DLGAP2: variants seen among roughly 807,000 people sequenced by gnomAD.
DLGAP2 encodes the protein DLG associated protein 2.
DLGAP2 carries 26 observed loss-of-function variants against 100.3 expected under a neutral mutation model. The observed-to-expected ratio is 0.26, with a 90% CI of 0.19 to 0.36. The LOEUF is 0.36. DLGAP2 is among the 10% of genes least tolerant of loss of function. The probability of loss-of-function intolerance (pLI) is 1.00; values close to 1 mark genes in which losing one functional copy is unlikely to be tolerated. For missense variants in DLGAP2, 1,858 were observed against 1,453.2 expected, an observed-to-expected ratio of 1.28 and a Z score of -4.53; for synonymous variants, 886 against 630.1, an observed-to-expected ratio of 1.41 and a Z score of -6.08.
intron 8 of DLGAP2, among the ~76,000 whole-genome samples, chr8:1,638,833 G>A (rs889644736): frequency 2.0e-5 from 3 of 152,238 alleles, no homozygotes; most frequent in African/African-American, 7.2e-5. Flanking sequence ...TTTAGGGACA[G>A]ACGCAGAGAA....
chr8:1,588,530 A>G (rs889835815), intron 6 of DLGAP2, among the ~76,000 whole-genome samples: 16 of 152,162 alleles, frequency 1.1e-4, no homozygotes, highest in African/African-American at 3.6e-4. Context: ...TCATTCGGTA[A>G]GTAAATATGT....
intron 2 of DLGAP2, among the ~76,000 whole-genome samples, chr8:1,021,785 T>C (rs1252017498): frequency 6.6e-6 from 1 of 152,162 alleles, no homozygotes; most frequent in East Asian, 1.9e-4. Context: ...ACCCAGATGC[T>C]GTGGGGTTGG....
chr8:841,517 C>T (rs1024109123), intron 1 of DLGAP2, among the ~76,000 whole-genome samples: 5 of 152,106 alleles, frequency 3.3e-5, no homozygotes, highest in African/African-American at 9.7e-5. Context: ...TAGGGGTGTA[C>T]GTTGCTACAT....
intron 2 of DLGAP2, among the ~76,000 whole-genome samples, chr8:1,041,269 G>C (rs1347347913): frequency 1.3e-5 from 2 of 152,158 alleles, no homozygotes; most frequent in African/African-American, 4.8e-5. Context: ...AGTCATAAAT[G>C]GTAACCAGCG....
chr8:849,589 G>C (rs7825015), intron 1 of DLGAP2, among the ~76,000 whole-genome samples: 10,799 of 152,174 alleles, frequency 0.071, 739 homozygotes, highest in African/African-American at 0.18. Flanking sequence ...AGGTTCCAGC[G>C]GTGCAACATC....
chr8:832,173 C>G (rs1014972046), intron 1 of DLGAP2, among the ~76,000 whole-genome samples: 2 of 152,160 alleles, frequency 1.3e-5, no homozygotes, highest in African/African-American at 4.8e-5. Flanking sequence ...TGCCTTTTCA[C>G]TCTGTTGGTA....
chr8:1,027,861 T>C (rs796712964), intron 2 of DLGAP2, among the ~76,000 whole-genome samples: 59 of 60,196 alleles, frequency 9.8e-4, no homozygotes, highest in Admixed American at 1.0e-3. Context: ...AGGTGGGGTG[T>C]CAGGCGCCCG....
chr8:898,294 C>T (rs1446422301), intron 1 of DLGAP2, among the ~76,000 whole-genome samples: 1 of 152,066 alleles, frequency 6.6e-6, no homozygotes, highest in Non-Finnish European at 1.5e-5. Flanking sequence ...TGAGGTCTGG[C>T]GACTTCACCC....
intron 8 of DLGAP2, among the ~76,000 whole-genome samples, chr8:1,636,672 G>A (rs755197870): frequency 5.9e-5 from 9 of 152,288 alleles, no homozygotes; most frequent in East Asian, 1.9e-4. Context: ...ATTTTCAGGC[G>A]TGTGAGCCTG....
Position 1,683,598 on chromosome 8 carries a change from G to A in DLGAP2, c.2704+4969G>A, listed in dbSNP as rs530991237. On this transcript the variant is annotated intron_variant, in intron 12 of 14. Coordinates refer to ENST00000637795, the MANE Select transcript of DLGAP2 (RefSeq NM_001346810.2). ...ATCCACAGACAGTGCCTCACACATC[G>A]CCTGGCACAGAGTGCCAGACAATAG... 5.4e-4 allele frequency among the ~76,000 whole-genome samples: 81 copies of A among 149,874 alleles called. 1 individual carries two copies. The highest frequency in any genetic ancestry group is 1.1e-3 in the African/African-American group (45 of 40,508).
chr8:790,305 G>T (rs1821993128), intron 1 of DLGAP2, among the ~76,000 whole-genome samples: 1 of 152,234 alleles, frequency 6.6e-6, no homozygotes, highest in Non-Finnish European at 1.5e-5. Flanking sequence ...GCTGTGCAGG[G>T]TGCAGAGACA....
intron 2 of DLGAP2, among the ~76,000 whole-genome samples, chr8:1,172,238 T>G (rs1194200762): frequency 6.6e-6 from 1 of 152,248 alleles, no homozygotes; most frequent in Admixed American, 6.5e-5. Context: ...TTGTAGAGTT[T>G]CTGCCTAGAG....
chr8:1,504,745 G>A (rs556696114), intron 4 of DLGAP2, among the ~76,000 whole-genome samples: 1 of 152,128 alleles, frequency 6.6e-6, no homozygotes, highest in Non-Finnish European at 1.5e-5. Context: ...GACTGAGTAG[G>A]TATTCCACAT....
intron 2 of DLGAP2, among the ~76,000 whole-genome samples, chr8:1,032,424 T>G (rs949354235): frequency 1.3e-5 from 2 of 152,216 alleles, no homozygotes; most frequent in African/African-American, 4.8e-5. Flanking sequence ...CAGCGCACGA[T>G]GGAGAAACGT....
At position 1,667,073 on chromosome 8, in the gene DLGAP2, C is replaced by G. The variant is rs1798562510; in HGVS notation, c.1811-1256C>G. Among the ~76,000 whole-genome samples the G allele has an allele frequency of 2.0e-5, 3 of 152,150 alleles. No homozygotes were observed. In the East Asian group the frequency reaches 5.8e-4, roughly 29 times the overall value. On this transcript the variant is annotated intron_variant, in intron 8 of 14. Coordinates refer to ENST00000637795, the MANE Select transcript of DLGAP2 (RefSeq NM_001346810.2). Reference sequence around the variant, plus strand: ...AGTGCCTCCCACTGTGTGTGTGTGGCAGGGGTGGGGTGGTGGTTGCTTTGC... The same window carrying G: ...AGTGCCTCCCACTGTGTGTGTGTGGGAGGGGTGGGGTGGTGGTTGCTTTGC...
At chr8:1,528,010 A>G (rs1340067180) in intron 4 of DLGAP2, among the ~76,000 whole-genome samples, 1 of 152,272 alleles carries the variant, frequency 6.6e-6, no homozygotes, top group African/African-American at 2.4e-5. Context: ...GCTAAAAGAA[A>G]AAAGTCCTTA....
intron 2 of DLGAP2, among the ~76,000 whole-genome samples, chr8:1,036,323 C>T (rs536662533): frequency 6.6e-6 from 1 of 152,376 alleles, no homozygotes; most frequent in African/African-American, 2.4e-5. Context: ...GCCACAGCAC[C>T]CCATCTGCTG....
At chr8:1,411,232 A>G (rs1436192606) in intron 3 of DLGAP2, among the ~76,000 whole-genome samples, 2 of 152,010 alleles carry the variant, frequency 1.3e-5, no homozygotes, top group South Asian at 2.1e-4. Context: ...GAATGTTTAT[A>G]TATATTGTGT....
At position 1,359,204 on chromosome 8, in the gene DLGAP2, T is replaced by C. The variant is rs144222800; in HGVS notation, c.106+100321T>C. 3.0e-4 allele frequency among the ~76,000 whole-genome samples: 45 copies of C among 152,122 alleles called. 1 individual carries two copies. Among genetic ancestry groups the C allele is most frequent in the Admixed American group, 1.3e-4 (2 of 15,266 alleles). On this transcript the variant is annotated intron_variant, in intron 3 of 14. Transcript: ENST00000637795. ...CAGGACACCCTGGAGGACAGACACCTCCTGGTAAACTCAACAGGAAAATCC... is the reference window on the plus strand; with the variant it reads ...CAGGACACCCTGGAGGACAGACACCCCCTGGTAAACTCAACAGGAAAATCC...
Sources: gnomAD v4.1 joint callset for allele counts (sites outside exome capture counted in the v4.1 genomes callset) on GRCh38, gnomAD v4.1.1 for gene constraint, MANE v1.5 for transcripts, NCBI Gene and HGNC (gene_info 2026-07-23, HGNC 2026-07-21) for gene names.